The following GDPD1 variants were observed in gnomAD, a reference collection of about 807,000 sequenced individuals.
GDPD1 encodes the protein lysophospholipase D GDPD1.
In GDPD1, 28 loss-of-function variants were observed where a neutral mutation model predicts 45.1. The ratio of observed to expected loss-of-function variants is 0.62; its 90% CI spans 0.46 to 0.85. GDPD1 has a LOEUF of 0.85. Among genes scored for constraint, GDPD1 ranks in the 40% least tolerant of loss-of-function variants. The pLI, the probability that GDPD1 is intolerant of heterozygous loss-of-function variation, is 0.00. For missense variants in GDPD1, 256 were observed against 364.8 expected (o/e 0.70, Z 2.43); for synonymous variants, 139 against 131.4 (o/e 1.06, Z -0.40).
chr17:59,237,078 A>G (rs2047138101), intron 2 of GDPD1, among the ~76,000 whole-genome samples: 1 of 151,734 alleles, frequency 6.6e-6, no homozygotes, highest in African/African-American at 2.4e-5. Context: ...TACTTGTTTC[A>G]TTGAATAACA....
intron 2 of GDPD1, among the ~76,000 whole-genome samples, chr17:59,239,376 G>C (rs1245785539): frequency 6.6e-6 from 1 of 151,920 alleles, no homozygotes; most frequent in Non-Finnish European, 1.5e-5. Flanking sequence ...TGAAACCTTG[G>C]CATCTCCAAC....
chr17:59,229,053 A>T (rs1417366525), intron 1 of GDPD1, among the ~76,000 whole-genome samples: 3 of 151,328 alleles, frequency 2.0e-5, no homozygotes. Context: ...TTGAGCACAG[A>T]CATAACTCCA....
chr17:59,255,870 TATATACACAC>T (rs2047304326), intron 4 of GDPD1, among the ~76,000 whole-genome samples: 1 of 92,104 alleles, frequency 1.1e-5, no homozygotes, highest in African/African-American at 5.6e-5. Context: ...TATATATATA[TATATACACAC>T]ACACACACAC....
In GDPD1 at chr17:59,265,383, A is replaced by T. The variant is rs184450720; in HGVS notation, c.577-1658A>T. Among the ~76,000 whole-genome samples the T allele has an allele frequency of 5.7e-3, 860 of 151,516 alleles. 8 individuals are homozygous for T. The highest frequency in any genetic ancestry group is 0.017 in the Admixed American group (263 of 15,140). ...GATTCTGTCTCTACAAAAAATTTTT[A>T]AAAAATTAGCTCGGCATGGTGGTGC... On this transcript the variant is annotated intron_variant, in intron 6 of 9. Transcript: ENST00000284116.
At chr17:59,240,116 C>T (rs1356900643) in intron 2 of GDPD1, among the ~76,000 whole-genome samples, 1 of 151,956 alleles carries the variant, frequency 6.6e-6, no homozygotes, top group Non-Finnish European at 1.5e-5. Context: ...TGTGGTGAAA[C>T]CCTGTCTCTA....
chr17:59,246,006 G>A (rs746789083), intron 3 of GDPD1, among the ~76,000 whole-genome samples: 1 of 151,986 alleles, frequency 6.6e-6, no homozygotes, highest in Non-Finnish European at 1.5e-5. Context: ...TGTAATCCCA[G>A]CTACTTGGGA....
intron 2 of GDPD1, among the ~76,000 whole-genome samples, chr17:59,236,543 T>G (rs1392526841): frequency 6.6e-6 from 1 of 152,136 alleles, no homozygotes; most frequent in African/African-American, 2.4e-5. Context: ...TCACCCAGGC[T>G]GGAGTGCAAT....
intron 2 of GDPD1, among the ~76,000 whole-genome samples, chr17:59,236,948 A>G (rs578128351): frequency 3.4e-4 from 52 of 152,288 alleles, no homozygotes; most frequent in African/African-American, 1.2e-3. Flanking sequence ...TGTGTGTTAC[A>G]CATTAGTGCC....
chr17:59,245,993 C>T (rs1292650950), intron 3 of GDPD1, among the ~76,000 whole-genome samples: 1 of 151,448 alleles, frequency 6.6e-6, no homozygotes, highest in Admixed American at 6.6e-5. Flanking sequence ...ATGGTGGTGC[C>T]CCTGTAATCC....
chr17:59,234,922 C>T (rs2047120176), intron 2 of GDPD1, among the ~76,000 whole-genome samples: 1 of 150,404 alleles, frequency 6.6e-6, no homozygotes, highest in Non-Finnish European at 1.5e-5. Context: ...AATTTTTGTA[C>T]AGAACTGAAC....
Position 59,220,531 on chromosome 17 carries a change from C to A in GDPD1, c.-79C>A. The A allele has an allele frequency of 6.6e-7, 1 of 1,507,422 alleles. No individual in the cohort carries two copies. The highest frequency in any genetic ancestry group is 1.9e-5 in the Admixed American group (1 of 53,270). The allele number at this position is 1,507,422 out of a possible 1,614,324, so 93.4% of individuals were successfully genotyped here. Reference sequence around the variant, plus strand: ...GGGGCGAGCCGACCTCGAGCAGCCGCCGCCGCCGCCGTCGTTGCTACTGCC... The same window carrying A: ...GGGGCGAGCCGACCTCGAGCAGCCGACGCCGCCGCCGTCGTTGCTACTGCC... On this transcript the variant is annotated 5_prime_UTR_variant, in exon 1 of 10. Coordinates refer to ENST00000284116, the MANE Select transcript of GDPD1 (RefSeq NM_182569.4).
intron 2 of GDPD1, among the ~76,000 whole-genome samples, chr17:59,244,593 A>T (rs7220824): frequency 6.6e-6 from 1 of 152,010 alleles, no homozygotes; most frequent in East Asian, 1.9e-4. Flanking sequence ...TTTGCCTCCC[A>T]TAGTGCTGGG....
At chr17:59,232,178 C>T (rs1430778697) in intron 1 of GDPD1, among the ~76,000 whole-genome samples, 4 of 152,204 alleles carry the variant, frequency 2.6e-5, no homozygotes, top group South Asian at 4.1e-4. Flanking sequence ...ACAAGCTGGG[C>T]GCGGTGGCTC....
chr17:59,230,460 G>T (rs968597746), intron 1 of GDPD1, among the ~76,000 whole-genome samples: 36 of 136,236 alleles, frequency 2.6e-4, no homozygotes, highest in African/African-American at 9.7e-4. Context: ...TTGGCTCACT[G>T]CAACCTCCGC....
rs2046994963 is a variant in GDPD1 at position 59,220,580 on chromosome 17, AGGTGGGAGACTTCCCACAC to A, written c.-25_-7del. 7.5e-6 allele frequency: 12 copies of A among 1,607,244 alleles called. No homozygotes were observed. The highest frequency in any genetic ancestry group is 8.5e-6 in the Non-Finnish European group (10 of 1,176,212). On this transcript the variant is annotated 5_prime_UTR_variant, in exon 1 of 10. Coordinates refer to ENST00000284116, the MANE Select transcript of GDPD1 (RefSeq NM_182569.4). ...CCGCAGCGGAGTTCAGAGGGCCCGG[AGGTGGGAGACTTCCCACAC>A]GGTGACTGAGATGTCGTCCACTGCG...
At chr17:59,253,757 A>G (rs1342534148) in intron 4 of GDPD1, among the ~76,000 whole-genome samples, 6 of 152,070 alleles carry the variant, frequency 3.9e-5, no homozygotes, top group Non-Finnish European at 5.9e-5. Flanking sequence ...GAAGTCCCGG[A>G]GAAAGACACT....
chr17:59,259,781 G>A lies in GDPD1; in HGVS notation c.576+1941G>A, dbSNP rs545320139. On this transcript the variant is annotated intron_variant, in intron 6 of 9. Coordinates refer to ENST00000284116, the MANE Select transcript of GDPD1 (RefSeq NM_182569.4). ...AAGGAAAAGAAATTATTTAGGGTCA[G>A]GCTAAGTGGCTCACACCCCTGTAAT... 8.1e-5 allele frequency among the ~76,000 whole-genome samples: 12 copies of A among 147,750 alleles called. No homozygotes were observed. The East Asian group carries it at 2.0e-3, about 25-fold the overall frequency.
At chr17:59,272,637 TA>T in intron 8 of GDPD1, 147 bp from the exon 9 acceptor site, 1 of 584,436 alleles carries the variant, frequency 1.7e-6, no homozygotes, top group Non-Finnish European at 3.1e-6. Context: ...AGACATAAAT[TA>T]ATTCACAACA....
intron 1 of GDPD1, among the ~76,000 whole-genome samples, chr17:59,226,209 T>C (rs978003991): frequency 2.0e-5 from 3 of 152,230 alleles, no homozygotes; most frequent in African/African-American, 7.2e-5. Context: ...TTTAGCACTC[T>C]TGTCTTTTTA....
Sources: allele counts gnomAD v4.1 joint callset (sites outside exome capture counted in the v4.1 genomes callset), GRCh38; gene constraint gnomAD v4.1.1; transcripts MANE v1.5; gene names NCBI Gene and HGNC (gene_info 2026-07-23, HGNC 2026-07-21).